Variants in POFUT3 observed in about 807,000 individuals in gnomAD.
POFUT3 encodes GDP-fucose protein O-fucosyltransferase 3.
the POFUT3 span, among the ~76,000 whole-genome samples, chr8:33,417,297 T>C: frequency 2.0e-5 from 3 of 152,326 alleles, no homozygotes; most frequent in South Asian, 2.1e-4. Context: ...TTCTACATTA[T>C]GGTGAGTTGT....
At chr8:33,360,575 C>T in the POFUT3 span, among the ~76,000 whole-genome samples, 1 of 152,290 alleles carries the variant, frequency 6.6e-6, no homozygotes, top group East Asian at 1.9e-4. Flanking sequence ...TCCTCCCCTA[C>T]ACCCCCTATA....
chr8:33,313,992 C>T, the POFUT3 span, among the ~76,000 whole-genome samples: 1 of 152,176 alleles, frequency 6.6e-6, no homozygotes, highest in Non-Finnish European at 1.5e-5. Flanking sequence ...TCAGGACACA[C>T]AGCACGTAAT....
At chr8:33,374,588 A>G in the POFUT3 span, among the ~76,000 whole-genome samples, 1 of 152,204 alleles carries the variant, frequency 6.6e-6, no homozygotes, top group African/African-American at 2.4e-5. Context: ...TAGACTCTGC[A>G]GTTTAGCAAG....
At chr8:33,449,706 T>A in the POFUT3 span, among the ~76,000 whole-genome samples, 1 of 152,104 alleles carries the variant, frequency 6.6e-6, no homozygotes, top group Non-Finnish European at 1.5e-5. Context: ...CTGGTCCCAA[T>A]ATGTCCTTCA....
the POFUT3 span, among the ~76,000 whole-genome samples, chr8:33,324,536 G>A: frequency 1.3e-5 from 2 of 152,166 alleles, no homozygotes; most frequent in African/African-American, 4.8e-5. Context: ...TCTCAAATGT[G>A]ACAAATATAA....
chr8:33,414,214 T>C, the POFUT3 span, among the ~76,000 whole-genome samples: 3 of 152,108 alleles, frequency 2.0e-5, no homozygotes, highest in Non-Finnish European at 4.4e-5. Flanking sequence ...TTGTAATCTA[T>C]TTTTCTGAGA....
At chr8:33,467,836 T>C in the POFUT3 span, among the ~76,000 whole-genome samples, 1 of 152,144 alleles carries the variant, frequency 6.6e-6, no homozygotes, top group African/African-American at 2.4e-5. Flanking sequence ...TTCAGGCCAG[T>C]TGAAGGTGTA....
chr8:33,361,363 G>T, the POFUT3 span: 1 of 152,198 alleles, frequency 6.6e-6, no homozygotes, highest in Non-Finnish European at 1.5e-5. Context: ...GGACTTGCCA[G>T]CTCACTTCAA....
At chr8:33,309,000 G>A in the POFUT3 span, among the ~76,000 whole-genome samples, 6 of 148,570 alleles carry the variant, frequency 4.0e-5, no homozygotes, top group Admixed American at 4.0e-4. Flanking sequence ...TGGGTGTAGC[G>A]TCTGACTCTG....
the POFUT3 span, among the ~76,000 whole-genome samples, chr8:33,405,779 T>C: frequency 6.6e-6 from 1 of 152,210 alleles, no homozygotes; most frequent in Non-Finnish European, 1.5e-5. Context: ...AAGCCAAGTG[T>C]CCTAAGCTTT....
At chr8:33,461,429 C>T in the POFUT3 span, 1 of 1,613,678 alleles carries the variant, frequency 6.2e-7, no homozygotes, top group South Asian at 1.1e-5. Context: ...ATGCCAAAAG[C>T]TTCCTCCTCT....
At chr8:33,449,393 G>C in the POFUT3 span, among the ~76,000 whole-genome samples, 1 of 136,852 alleles carries the variant, frequency 7.3e-6, no homozygotes, top group African/African-American at 2.7e-5. Flanking sequence ...AGGTTTAAGC[G>C]ATTCTTGTGC....
At chr8:33,404,859 A>G in the POFUT3 span, among the ~76,000 whole-genome samples, 2 of 152,198 alleles carry the variant, frequency 1.3e-5, no homozygotes, top group Admixed American at 6.5e-5. Flanking sequence ...CGCCCCATAA[A>G]TTTATACAAA....
At chr8:33,356,645 TA>T in the POFUT3 span, among the ~76,000 whole-genome samples, 3 of 152,202 alleles carry the variant, frequency 2.0e-5, no homozygotes, top group African/African-American at 7.2e-5. Context: ...GATGGTAGTT[TA>T]TTTTGCTGTG....
At chr8:33,332,282 G>A in the POFUT3 span, among the ~76,000 whole-genome samples, 2 of 151,092 alleles carry the variant, frequency 1.3e-5, no homozygotes, top group Non-Finnish European at 2.9e-5. Flanking sequence ...TCAGGAGTTC[G>A]AGACCTGCCT....
chr8:33,314,203 T>C, the POFUT3 span, among the ~76,000 whole-genome samples: 1 of 152,208 alleles, frequency 6.6e-6, no homozygotes, highest in African/African-American at 2.4e-5. Context: ...TGAATCCCAC[T>C]GTTTCCGAGA....
At chr8:33,310,072 C>T in the POFUT3 span, among the ~76,000 whole-genome samples, 4 of 152,106 alleles carry the variant, frequency 2.6e-5, no homozygotes, top group Non-Finnish European at 5.9e-5. Context: ...CATATTGTGA[C>T]CATTTGAGAA....
chr8:33,353,026 A>G, the POFUT3 span, among the ~76,000 whole-genome samples: 2 of 152,206 alleles, frequency 1.3e-5, no homozygotes, highest in Non-Finnish European at 2.9e-5. Flanking sequence ...GCATGCCCAT[A>G]AGAGGAGAGC....
At chr8:33,444,071 C>G in the POFUT3 span, among the ~76,000 whole-genome samples, 1 of 151,854 alleles carries the variant, frequency 6.6e-6, no homozygotes, top group South Asian at 2.1e-4. Context: ...AGCAAAGTCC[C>G]TGTTCCTACA....
Sources: allele counts gnomAD v4.1 joint callset (sites outside exome capture counted in the v4.1 genomes callset), GRCh38; gene constraint gnomAD v4.1.1; transcripts MANE v1.5; gene names NCBI Gene and HGNC (gene_info 2026-07-23, HGNC 2026-07-21).